Variants in AKR1D1 observed in about 807,000 individuals in gnomAD.
AKR1D1 encodes the protein delta(4)-3-ketosteroid 5-beta-reductase.
Under a neutral mutation model 42.6 loss-of-function variants are expected in AKR1D1, and 32 were observed. The ratio of observed to expected loss-of-function variants is 0.75; its 90% CI spans 0.57 to 1.01. The LOEUF (loss-of-function observed/expected upper bound fraction) is 1.01, where lower values mean the gene tolerates loss of function less well. Ranked by LOEUF, AKR1D1 falls within the 50% of genes least tolerant of loss-of-function variation. The pLI is 0.00. For synonymous variants in AKR1D1, 123 were observed against 135.5 expected (o/e 0.91, Z 0.64); for missense variants, 364 against 402.2 (o/e 0.91, Z 0.81).
In AKR1D1 at chr7:138,106,603, C is replaced by A. The variant is rs1794438234; in HGVS notation, c.580-5C>A. 1 of 1,612,224 alleles carries A rather than the reference C, an allele frequency of 6.2e-7. No individual in the cohort carries two copies. Among genetic ancestry groups the A allele is most frequent in the Non-Finnish European group, 8.5e-7 (1 of 1,178,244 alleles). On this transcript the variant is annotated splice_region_variant and splice_polypyrimidine_tract_variant and intron_variant, in intron 5 of 8. Coordinates refer to ENST00000242375, the MANE Select transcript of AKR1D1 (RefSeq NM_005989.4). ...TGTGCTCTGCTCTCCAATGCAACCA[C>A]ATAGGTTGAGTGCCATCCGTATTTC...
intron 7 of AKR1D1, among the ~76,000 whole-genome samples, chr7:138,112,051 T>C (rs1438909213): frequency 6.6e-6 from 1 of 152,192 alleles, no homozygotes; most frequent in Non-Finnish European, 1.5e-5. Flanking sequence ...AGGATTCTTC[T>C]TTGAAAAAGA....
intron 1 of AKR1D1, among the ~76,000 whole-genome samples, chr7:138,082,216 ATATCT>A (rs1188947040): frequency 3.3e-5 from 5 of 152,062 alleles, no homozygotes; most frequent in African/African-American, 1.2e-4. Context: ...TTAATTTTAG[ATATCT>A]TATCAGATTT....
At chr7:138,106,081 C>A (rs1256898450) in intron 5 of AKR1D1, among the ~76,000 whole-genome samples, 1 of 152,088 alleles carries the variant, frequency 6.6e-6, no homozygotes, top group African/African-American at 2.4e-5. Flanking sequence ...TTTTCTATTG[C>A]ACATCAAATT....
intron 1 of AKR1D1, among the ~76,000 whole-genome samples, chr7:138,082,282 T>G (rs1029850795): frequency 6.6e-6 from 1 of 152,224 alleles, no homozygotes; most frequent in African/African-American, 2.4e-5. Context: ...GGTTCTTTCC[T>G]AAATCTTCTA....
At chr7:138,077,459 T>C (rs1282011502) in intron 1 of AKR1D1, among the ~76,000 whole-genome samples, 1 of 152,124 alleles carries the variant, frequency 6.6e-6, no homozygotes, top group African/African-American at 2.4e-5. Flanking sequence ...TCTCCCTCGG[T>C]CCCTCCCACA....
chr7:138,087,879 G>A (rs1793968446), intron 1 of AKR1D1, among the ~76,000 whole-genome samples: 1 of 150,882 alleles, frequency 6.6e-6, no homozygotes, highest in African/African-American at 2.4e-5. Context: ...TGTCATCAAT[G>A]CTACATTTCT....
intron 2 of AKR1D1, among the ~76,000 whole-genome samples, chr7:138,091,560 T>C (rs1585726817): frequency 6.6e-6 from 1 of 151,998 alleles, no homozygotes; most frequent in South Asian, 2.1e-4. Flanking sequence ...CTAGGCACGG[T>C]GGCTGATGCT....
intron 1 of AKR1D1, among the ~76,000 whole-genome samples, chr7:138,085,651 G>A (rs1450227898): frequency 2.0e-5 from 3 of 151,814 alleles, no homozygotes; most frequent in Admixed American, 1.3e-4. Context: ...TCACCATGTT[G>A]GCCAGGCTGG....
intron 4 of AKR1D1, among the ~76,000 whole-genome samples, chr7:138,099,705 T>C (rs1230342904): frequency 6.7e-6 from 1 of 149,456 alleles, no homozygotes; most frequent in East Asian, 2.0e-4. Context: ...GAAGAAAAAA[T>C]AAAAGGAAAC....
At chr7:138,082,512 C>G (rs1318361430) in intron 1 of AKR1D1, among the ~76,000 whole-genome samples, 3 of 152,066 alleles carry the variant, frequency 2.0e-5, no homozygotes, top group Non-Finnish European at 4.4e-5. Context: ...GGACTACAGA[C>G]AGGTGTACAT....
At chr7:138,079,928 T>C (rs1375748369) in intron 1 of AKR1D1, among the ~76,000 whole-genome samples, 1 of 152,194 alleles carries the variant, frequency 6.6e-6, no homozygotes, top group Non-Finnish European at 1.5e-5. Flanking sequence ...AACTGGGGCT[T>C]GCCATAAACT....
chr7:138,102,539 A>G (rs1315425361), intron 4 of AKR1D1, among the ~76,000 whole-genome samples: 2 of 152,202 alleles, frequency 1.3e-5, no homozygotes, highest in African/African-American at 4.8e-5. Flanking sequence ...ACCCAGCCTC[A>G]GTGACAGAGC....
chr7:138,098,605 G>A (rs544657524), intron 4 of AKR1D1, among the ~76,000 whole-genome samples: 3 of 152,232 alleles, frequency 2.0e-5, no homozygotes, highest in African/African-American at 4.8e-5. Context: ...GCAAGATGCC[G>A]TCTCAAAAAC....
chr7:138,105,530 C>A, intron 5 of AKR1D1, 101 bp downstream of exon 5: 2 of 1,512,274 alleles, frequency 1.3e-6, no homozygotes, highest in Non-Finnish European at 1.8e-6. Flanking sequence ...ATGATTGCTC[C>A]ACCTAAATCT....
chr7:138,113,673 T>C lies in AKR1D1; in HGVS notation c.856-17T>C. 2 of 1,611,146 alleles carry C rather than the reference T, an allele frequency of 1.2e-6. No homozygotes were observed. The highest frequency in any genetic ancestry group is 1.7e-6 in the Non-Finnish European group (2 of 1,177,328). On this transcript the variant is annotated splice_polypyrimidine_tract_variant and intron_variant, in intron 7 of 8. Transcript: ENST00000242375. ...AGCTTGACCTTCAAAAATGTTCTATTATTTCCGTTATTTCAGATCTTTGAC... is the reference window on the plus strand; with the variant it reads ...AGCTTGACCTTCAAAAATGTTCTATCATTTCCGTTATTTCAGATCTTTGAC...
chr7:138,086,736 T>TA (rs1803189349), intron 1 of AKR1D1, among the ~76,000 whole-genome samples: 1 of 152,340 alleles, frequency 6.6e-6, no homozygotes, highest in Non-Finnish European at 1.5e-5. Context: ...AGCATTTGGT[T>TA]AGAACACTAA....
chr7:138,097,010 T>C (rs1236380749), intron 3 of AKR1D1, among the ~76,000 whole-genome samples: 1 of 152,124 alleles, frequency 6.6e-6, no homozygotes, highest in Non-Finnish European at 1.5e-5. Flanking sequence ...AGTCAAAATA[T>C]CCAAAATGAT....
intron 4 of AKR1D1, among the ~76,000 whole-genome samples, chr7:138,101,143 T>A (rs1794300395): frequency 6.8e-6 from 1 of 147,032 alleles, no homozygotes; most frequent in Non-Finnish European, 1.5e-5. Flanking sequence ...TATAAGAGTG[T>A]TTTCTTTCCC....
intron 5 of AKR1D1, 87 bp downstream of exon 5, chr7:138,105,516 G>T: frequency 6.5e-7 from 1 of 1,548,944 alleles, no homozygotes; most frequent in Non-Finnish European, 8.9e-7. Context: ...AGTCAGGAAG[G>T]CTCATGATTG....
Sources: allele counts gnomAD v4.1 joint callset (sites outside exome capture counted in the v4.1 genomes callset), GRCh38; gene constraint gnomAD v4.1.1; transcripts MANE v1.5; gene names NCBI Gene and HGNC (gene_info 2026-07-23, HGNC 2026-07-21).